Variants in CSRNP3 observed in about 807,000 individuals in gnomAD.
The protein encoded by CSRNP3 is cysteine and serine rich nuclear protein 3.
In CSRNP3, 12 loss-of-function variants were observed where a neutral mutation model predicts 48.0. That is an observed-to-expected ratio of 0.25 (90% CI 0.16 to 0.41). The LOEUF (loss-of-function observed/expected upper bound fraction) is 0.41, where lower values mean the gene tolerates loss of function less well. Among genes scored for constraint, CSRNP3 ranks in the 10% least tolerant of loss-of-function variants. The probability of loss-of-function intolerance (pLI) is 1.00; values close to 1 mark genes in which losing one functional copy is unlikely to be tolerated. For missense variants in CSRNP3, 580 were observed against 724.4 expected, an observed-to-expected ratio of 0.80 and a Z score of 2.29; for synonymous variants, 263 against 269.7, an observed-to-expected ratio of 0.98 and a Z score of 0.24.
In CSRNP3 at chr2:165,684,019, A is replaced by T. The variant is rs139019905; in HGVS notation, c.*4266A>T. 9.9e-5 allele frequency: 15 copies of T among 152,230 alleles called. No homozygotes were observed. Among genetic ancestry groups the T allele is most frequent in the Non-Finnish European group, 1.8e-4 (12 of 67,970 alleles). The allele number at this position is 152,230 out of a possible 1,614,324, so 9.4% of individuals were successfully genotyped here. A position where few individuals can be genotyped will look rare whatever the true frequency, so the allele number is the denominator to read the frequency against. On this transcript the variant is annotated 3_prime_UTR_variant, in exon 7 of 7. Transcript: ENST00000651982. ...CTTCAATGTTAGACCTATATAAGTG[A>T]TGCTAAATTTACACCAGCAAACTCC... is the stretch of plus-strand genomic sequence containing the variant.
At chr2:165,604,042 C>T (rs565137853) in intron 4 of CSRNP3, among the ~76,000 whole-genome samples, 1 of 152,134 alleles carries the variant, frequency 6.6e-6, no homozygotes, top group Admixed American at 6.5e-5. Flanking sequence ...CTGATCAGTA[C>T]ATGATAAGTA....
At chr2:165,670,781 A>G (rs1687314963) in intron 5 of CSRNP3, among the ~76,000 whole-genome samples, 1 of 152,110 alleles carries the variant, frequency 6.6e-6, no homozygotes, top group South Asian at 2.1e-4. Flanking sequence ...TTTCTTTCAC[A>G]CTCAAGAAAA....
In CSRNP3 at chr2:165,595,117, T is replaced by G; in HGVS notation, c.52T>G (p.Cys18Gly). The G allele has an allele frequency of 6.2e-7, 1 of 1,613,990 alleles. No individual in the cohort carries two copies. The highest frequency in any genetic ancestry group is 8.5e-7 in the Non-Finnish European group (1 of 1,179,838). ...KFEEVDGSSP[C>G]SSVRESDDEV... ...TGAAGAAGTTGACGGCTCCTCACCC[T>G]GCTCCTCTGTGAGGGAATCAGATGA... is the stretch of plus-strand genomic sequence containing the variant. The change falls in exon 4 of 7, where the codon TGC becomes GGC. Residue 18 changes from cysteine (C) to glycine (G), a missense_variant. By Grantham distance (159) the Cys-to-Gly change is radical. Around this residue, in one of 4 missense-constraint regions of CSRNP3, gnomAD observed 83 missense variants for 139.6 expected, o/e 0.59. Transcript: ENST00000651982.
intron 3 of CSRNP3, among the ~76,000 whole-genome samples, chr2:165,546,532 A>G (rs1685028651): frequency 6.6e-6 from 1 of 152,160 alleles, no homozygotes; most frequent in Admixed American, 6.6e-5. Context: ...TACAAATGCT[A>G]CCTAAAAGCT....
chr2:165,510,316 C>T (rs1277019550), intron 2 of CSRNP3, among the ~76,000 whole-genome samples: 2 of 152,016 alleles, frequency 1.3e-5, no homozygotes, highest in Non-Finnish European at 2.9e-5. Context: ...TTTTTCTCTT[C>T]TCTCTCATTT....
At chr2:165,563,414 G>A (rs1182855220) in intron 3 of CSRNP3, among the ~76,000 whole-genome samples, 1 of 152,072 alleles carries the variant, frequency 6.6e-6, no homozygotes, top group African/African-American at 2.4e-5. Context: ...CAACCCAGCT[G>A]TTTCTGTACC....
At chr2:165,483,767 G>T (rs1574796141) in intron 1 of CSRNP3, among the ~76,000 whole-genome samples, 1 of 152,268 alleles carries the variant, frequency 6.6e-6, no homozygotes, top group East Asian at 1.9e-4. Flanking sequence ...TGGCAGGAAG[G>T]CAAGGGATCT....
chr2:165,537,332 G>A (rs1366831742), intron 3 of CSRNP3, among the ~76,000 whole-genome samples: 1 of 150,286 alleles, frequency 6.7e-6, no homozygotes. Context: ...AGATTTGTTG[G>A]TAAAGACATT....
Position 165,682,781 on chromosome 2 carries a change from C to T in CSRNP3, c.*3028C>T, listed in dbSNP as rs1687568807. 6.6e-6 allele frequency: 1 copy of T among 152,080 alleles called. No individual in the cohort carries two copies. Among genetic ancestry groups the T allele is most frequent in the Non-Finnish European group, 1.5e-5 (1 of 67,998 alleles). 9.4% of individuals were successfully genotyped at this position (152,080 alleles called of 1,614,324 possible). A position where few individuals can be genotyped will look rare whatever the true frequency, so the allele number is the denominator to read the frequency against. Reference sequence around the variant, plus strand: ...ATGCCAGGAAAGTGCTACAGTCCTTCTAAGCTTTTAAAAATGGGGATCAAG... The same window carrying T: ...ATGCCAGGAAAGTGCTACAGTCCTTTTAAGCTTTTAAAAATGGGGATCAAG... On this transcript the variant is annotated 3_prime_UTR_variant, in exon 7 of 7. Coordinates refer to ENST00000651982, the MANE Select transcript of CSRNP3 (RefSeq NM_001172173.2).
chr2:165,607,949 C>T (rs1573914863), intron 4 of CSRNP3, among the ~76,000 whole-genome samples: 1 of 151,046 alleles, frequency 6.6e-6, no homozygotes, highest in Non-Finnish European at 1.5e-5. Context: ...TCTAGTAATC[C>T]CTCTTCCCTC....
intron 3 of CSRNP3, among the ~76,000 whole-genome samples, chr2:165,571,678 C>T (rs10181227): frequency 0.28 from 41,812 of 151,726 alleles, 6,662 homozygotes; most frequent in Admixed American, 0.41. Flanking sequence ...AACCATATGT[C>T]CTTTAGAACT....
In CSRNP3 at chr2:165,680,026, G is replaced by C; in HGVS notation, c.*273G>C. ...CTCACAGTTGCCTACCTGTCAAACTGTGTGAAACCTGCCAATCTGTGTAGA... is the reference window on the plus strand; with the variant it reads ...CTCACAGTTGCCTACCTGTCAAACTCTGTGAAACCTGCCAATCTGTGTAGA... On this transcript the variant is annotated 3_prime_UTR_variant, in exon 7 of 7. Transcript: ENST00000651982. 2.4e-6 allele frequency: 1 copy of C among 416,316 alleles called. No homozygotes were observed. Among genetic ancestry groups the C allele is most frequent in the Non-Finnish European group, 4.3e-6 (1 of 234,882 alleles). 25.8% of individuals were successfully genotyped at this position (416,316 alleles called of 1,614,324 possible). A position where few individuals can be genotyped will look rare whatever the true frequency, so the allele number is the denominator to read the frequency against.
At chr2:165,515,766 T>A (rs1251143107) in intron 2 of CSRNP3, among the ~76,000 whole-genome samples, 1 of 151,760 alleles carries the variant, frequency 6.6e-6, no homozygotes, top group Non-Finnish European at 1.5e-5. Flanking sequence ...TTTAATTATT[T>A]TGTTTTAATT....
chr2:165,615,074 C>A (rs887787660), intron 4 of CSRNP3, among the ~76,000 whole-genome samples: 13 of 152,122 alleles, frequency 8.5e-5, no homozygotes, highest in Admixed American at 5.9e-4. Context: ...CTGTTATTGT[C>A]ATTTGGTCTA....
intron 4 of CSRNP3, among the ~76,000 whole-genome samples, chr2:165,605,832 G>A (rs1418991525): frequency 1.3e-5 from 2 of 152,134 alleles, no homozygotes; most frequent in African/African-American, 4.8e-5. Flanking sequence ...AGGAAGAGGT[G>A]AGGAGTATGC....
At chr2:165,593,933 T>TG (rs1685767498) in intron 3 of CSRNP3, among the ~76,000 whole-genome samples, 3 of 152,202 alleles carry the variant, frequency 2.0e-5, no homozygotes, top group South Asian at 4.1e-4. Flanking sequence ...TACCTGACCT[T>TG]ATCTGATGGG....
chr2:165,648,948 G>A (rs1404107204), intron 4 of CSRNP3, among the ~76,000 whole-genome samples: 2 of 152,172 alleles, frequency 1.3e-5, no homozygotes, highest in African/African-American at 4.8e-5. Flanking sequence ...TCAGCTTACA[G>A]AGAGCTGAAC....
chr2:165,570,561 AC>A (rs1465464601), intron 3 of CSRNP3, among the ~76,000 whole-genome samples: 2 of 151,132 alleles, frequency 1.3e-5, no homozygotes, highest in African/African-American at 4.9e-5. Context: ...CCATTGGGCA[AC>A]CTTTTTATTT....
intron 4 of CSRNP3, among the ~76,000 whole-genome samples, chr2:165,617,221 G>T (rs144751464): frequency 6.6e-6 from 1 of 151,706 alleles, no homozygotes; most frequent in African/African-American, 2.4e-5. Context: ...TCATGTTTCC[G>T]TGCTTTTTCA....
Sources: gnomAD v4.1 joint callset for allele counts (sites outside exome capture counted in the v4.1 genomes callset) on GRCh38, gnomAD v4.1.1 for gene constraint, gnomAD v4.1.1 regional missense constraint, MANE v1.5 for transcripts, NCBI Gene and HGNC (gene_info 2026-07-23, HGNC 2026-07-21) for gene names.